Variants in EGF observed in about 807,000 individuals in gnomAD.
EGF encodes pro-epidermal growth factor.
Under a neutral mutation model 143.8 loss-of-function variants are expected in EGF, and 95 were observed. The ratio of observed to expected loss-of-function variants is 0.66; its 90% CI spans 0.56 to 0.78. The LOEUF is 0.78. EGF is among the 30% of genes least tolerant of loss of function. The pLI is 0.00. For missense variants in EGF, 1,320 were observed against 1,470.9 expected (o/e 0.90, Z 1.68); for synonymous variants, 510 against 510.5 (o/e 1.00, Z 0.01).
At chr4:109,957,846 C>T (rs778875076) in intron 5 of EGF, among the ~76,000 whole-genome samples, 1 of 152,238 alleles carries the variant, frequency 6.6e-6, no homozygotes, top group Admixed American at 6.5e-5. Flanking sequence ...TTTTCCTTGG[C>T]CTTCACCTCT....
rs181188815 is a variant in EGF, at chr4:109,970,609, A to G, written c.1724+1490A>G. Among the ~76,000 whole-genome samples, 149 of 152,072 alleles carry G rather than the reference A, an allele frequency of 9.8e-4. No homozygotes were observed. In the East Asian group the frequency reaches 0.012, roughly 12 times the overall value. ...TGGGAGGCCAAGGTGGGCAGATCAC[A>G]AGGTCAGGAGATCGAGACCATCCTG... On this transcript the variant is annotated intron_variant, in intron 11 of 23. Transcript: ENST00000265171.
At chr4:110,002,145 C>T in intron 21 of EGF, 3 of 636,674 alleles carry the variant, frequency 4.7e-6, no homozygotes, top group Non-Finnish European at 2.0e-6. Flanking sequence ...CCATTCCTTG[C>T]CTGTCTTGTC....
intron 6 of EGF, 148 bp from the exon 7 acceptor site, chr4:109,960,719 T>C (rs1745546436): frequency 2.4e-6 from 2 of 828,668 alleles, no homozygotes; most frequent in East Asian, 2.7e-5. Context: ...ATTTTACCCT[T>C]TGCTAGAGTA....
At position 109,979,970 on chromosome 4, in the gene EGF, A is replaced by G. The variant is rs1438255533; in HGVS notation, c.2054-2A>G. The G allele has an allele frequency of 1.9e-6, 3 of 1,613,978 alleles. No homozygotes were observed. Among genetic ancestry groups the G allele is most frequent in the Non-Finnish European group, 2.5e-6 (3 of 1,179,862 alleles). On this transcript the variant is annotated splice_acceptor_variant, in intron 13 of 23. Coordinates refer to ENST00000265171, the MANE Select transcript of EGF (RefSeq NM_001963.6). LOFTEE classifies it high-confidence loss of function. ...TATTTAACAAACTTGAATTGTTTCC[A>G]GGTCACCCATTTGCTGTAGCAGTGT...
chr4:109,958,892 TGG>T (rs1745217435), intron 5 of EGF, among the ~76,000 whole-genome samples: 1 of 129,008 alleles, frequency 7.8e-6, no homozygotes, highest in Admixed American at 8.8e-5. Context: ...CACTCCAGCC[TGG>T]GTGACAGGGG....
rs74379237 is a variant in EGF at position 109,988,579 on chromosome 4, C to A, written c.2609-5C>A. On this transcript the variant is annotated splice_region_variant and splice_polypyrimidine_tract_variant and intron_variant, in intron 17 of 23. Transcript: ENST00000265171. ...TATTGCACTAGTTCATAATTTTGCCCACAGATATAGATGAATGTGAGATGG... is the reference window on the plus strand; with the variant it reads ...TATTGCACTAGTTCATAATTTTGCCAACAGATATAGATGAATGTGAGATGG... 1.1e-3 allele frequency: 1,826 copies of A among 1,613,868 alleles called. 21 individuals are homozygous for A. In the African/African-American group the frequency reaches 0.019, roughly 17 times the overall value.
At chr4:109,930,952 T>A (rs1236004465) in intron 1 of EGF, among the ~76,000 whole-genome samples, 1 of 152,176 alleles carries the variant, frequency 6.6e-6, no homozygotes, top group East Asian at 1.9e-4. Flanking sequence ...TGCTGTTTGC[T>A]GCCTTAAGGT....
chr4:109,958,808 C>T (rs977844255), intron 5 of EGF, among the ~76,000 whole-genome samples: 1 of 150,204 alleles, frequency 6.7e-6, no homozygotes, highest in African/African-American at 2.5e-5. Context: ...ATCCCAGCTA[C>T]TTAGGAGGCC....
chr4:109,993,161 A>G, intron 18 of EGF, 86 bp from the exon 19 acceptor site: 1 of 1,573,088 alleles, frequency 6.4e-7, no homozygotes, highest in Admixed American at 1.7e-5. Context: ...AAGCTGATGA[A>G]GCTCCTCTTC....
chr4:110,005,421 C>G (rs1417904302), intron 22 of EGF, among the ~76,000 whole-genome samples: 1 of 151,862 alleles, frequency 6.6e-6, no homozygotes, highest in Non-Finnish European at 1.5e-5. Flanking sequence ...ATTTCAACTC[C>G]CCAAATTTCA....
intron 1 of EGF, among the ~76,000 whole-genome samples, chr4:109,930,389 T>A (rs1018082910): frequency 3.9e-5 from 6 of 152,144 alleles, no homozygotes; most frequent in Non-Finnish European, 2.9e-5. Context: ...GTGGGAGCAG[T>A]GTGAGGAGGC....
At position 109,923,929 on chromosome 4, in the gene EGF, T is replaced by A. The variant is rs74491235; in HGVS notation, c.127+10467T>A. Among the ~76,000 whole-genome samples the A allele has an allele frequency of 0.013, 1,986 of 151,678 alleles. 210 individuals are homozygous for A. The East Asian group carries it at 0.23, about 18-fold the overall frequency. ...AGCCACCACGCCTGGCCTATGACAC[T>A]TTATTGATTTCATATTTGAAGTTCC... On this transcript the variant is annotated intron_variant, in intron 1 of 23. Coordinates refer to ENST00000265171, the MANE Select transcript of EGF (RefSeq NM_001963.6).
In EGF at chr4:110,011,386, C is replaced by G. The variant is rs1437842509; in HGVS notation, c.3555C>G (p.Leu1185=). ...LEGGVEKPHS[L]LSANPLWQQR... The stretch of plus-strand genomic sequence containing the variant: ...GGGGTGTCGAGAAGCCCCATTCTCT[C>G]CTATCAGCTAACCCATTATGGCAAC... The change falls in exon 24 of 24, where the codon CTC becomes CTG. Residue 1185 remains leucine, a synonymous_variant. Coordinates refer to ENST00000265171, the MANE Select transcript of EGF (RefSeq NM_001963.6). 4 of 1,614,142 alleles carry G rather than the reference C, an allele frequency of 2.5e-6. No individual in the cohort carries two copies. Among genetic ancestry groups the G allele is most frequent in the Non-Finnish European group, 2.5e-6 (3 of 1,180,020 alleles).
In EGF at chr4:109,978,237, T is replaced by C. The variant is rs11568999; in HGVS notation, c.2054-1735T>C. Among the ~76,000 whole-genome samples, 737 of 152,338 alleles carry C rather than the reference T, an allele frequency of 4.8e-3. 7 individuals carry two copies. Among genetic ancestry groups the C allele is most frequent in the African/African-American group, 0.017 (713 of 41,572 alleles). ...AGATTCAGCCATTCCACAATGTATA[T>C]ATATTTTAAAACATCATGTTGTATG... On this transcript the variant is annotated intron_variant, in intron 13 of 23. Coordinates refer to ENST00000265171, the MANE Select transcript of EGF (RefSeq NM_001963.6).
chr4:109,945,033 A>G, intron 4 of EGF, 40 bp from the exon 5 acceptor site: 1 of 1,589,494 alleles, frequency 6.3e-7, no homozygotes, highest in Non-Finnish European at 8.6e-7. Context: ...CAAGGAACAA[A>G]TGTTCTGTTG....
At chr4:109,993,428 C>A in intron 19 of EGF, 59 bp downstream of exon 19, 4 of 1,604,364 alleles carry the variant, frequency 2.5e-6, no homozygotes, top group Non-Finnish European at 3.4e-6. Context: ...ATATTCTATA[C>A]CCTAATCTCT....
Position 109,943,201 on chromosome 4 carries a change from TTTG to T in EGF, c.328-48_328-46del, listed in dbSNP as rs1315798912. The T allele has an allele frequency of 9.4e-5, 117 of 1,251,110 alleles. No individual in the cohort carries two copies. In the Admixed American group the frequency reaches 1.0e-3, roughly 11 times the overall value. 77.5% of individuals were successfully genotyped at this position (1,251,110 alleles called of 1,614,324 possible). On this transcript the variant is annotated intron_variant, in intron 2 of 23. Coordinates refer to ENST00000265171, the MANE Select transcript of EGF (RefSeq NM_001963.6). ...TTTTATATATAACAATTAAAATAAT[TTTG>T]TTGTGAATGGGGGAAGTATTAATAA...
chr4:109,978,350 G>A (rs1257142721), intron 13 of EGF, among the ~76,000 whole-genome samples: 6 of 152,148 alleles, frequency 3.9e-5, no homozygotes, highest in African/African-American at 4.8e-5. Flanking sequence ...ATTAATTGTG[G>A]TTCTTCTGTA....
At chr4:109,985,349 C>G (rs550656428) in intron 16 of EGF, among the ~76,000 whole-genome samples, 1 of 152,316 alleles carries the variant, frequency 6.6e-6, no homozygotes, top group East Asian at 1.9e-4. Context: ...AACAAAGTGT[C>G]TATGGCTAAA....
Sources: gnomAD v4.1 joint callset for allele counts (sites outside exome capture counted in the v4.1 genomes callset) on GRCh38, gnomAD v4.1.1 for gene constraint, MANE v1.5 for transcripts, NCBI Gene and HGNC (gene_info 2026-07-23, HGNC 2026-07-21) for gene names.